Variants in RGS3 observed in about 807,000 individuals in gnomAD.
The protein encoded by RGS3 is regulator of G-protein signalling 3.
RGS3 carries 80 observed loss-of-function variants against 132.6 expected under a neutral mutation model. That is an observed-to-expected ratio of 0.60 (90% CI 0.50 to 0.73). The LOEUF is 0.73. RGS3 is among the 30% of genes least tolerant of loss of function. The pLI, the probability that RGS3 is intolerant of heterozygous loss-of-function variation, is 0.00. For synonymous variants in RGS3, 598 were observed against 620.6 expected, an observed-to-expected ratio of 0.96 and a Z score of 0.54; for missense variants, 1,382 against 1,530.8, an observed-to-expected ratio of 0.90 and a Z score of 1.62.
chr9:113,514,736 T>C, intron 15 of RGS3, 82 bp downstream of exon 13: 2 of 1,386,982 alleles, frequency 1.4e-6, no homozygotes, highest in Non-Finnish European at 2.0e-6. Flanking sequence ...TCAGGGATGA[T>C]GACTTATCCC....
At chr9:113,512,860 C>T (rs1445196795) in intron 14 of RGS3, among the ~76,000 whole-genome samples, 1 of 152,208 alleles carries the variant, frequency 6.6e-6, no homozygotes, top group Non-Finnish European at 1.5e-5. Context: ...TTTTTAGCGA[C>T]TTTGTGTTTT....
chr9:113,546,495 C>G (rs1442456072), intron 19 of RGS3, among the ~76,000 whole-genome samples: 1 of 152,196 alleles, frequency 6.6e-6, no homozygotes, highest in Admixed American at 6.5e-5. Context: ...TTGAATTAGG[C>G]TGTCCAGTTC....
intron 19 of RGS3, among the ~76,000 whole-genome samples, chr9:113,540,272 A>G (rs1832849345): frequency 6.6e-6 from 1 of 152,138 alleles, no homozygotes; most frequent in African/African-American, 2.4e-5. Flanking sequence ...GTGGCCATTC[A>G]GGTTCTAAGC....
upstream of RGS3, among the ~76,000 whole-genome samples, chr9:113,459,869 T>G (rs1173035904): frequency 6.6e-6 from 1 of 151,956 alleles, no homozygotes; most frequent in East Asian, 1.9e-4. Context: ...TGAAACCACC[T>G]TTCTACTAAA....
chr9:113,501,086 A>AC (rs1830866904), intron 10 of RGS3, among the ~76,000 whole-genome samples: 1 of 152,226 alleles, frequency 6.6e-6, no homozygotes, highest in East Asian at 1.9e-4. Context: ...TGTGAGTGCA[A>AC]ACCCCCCCAA....
chr9:113,491,213 T>C (rs1054605393), intron 7 of RGS3, among the ~76,000 whole-genome samples: 15 of 147,588 alleles, frequency 1.0e-4, no homozygotes, highest in African/African-American at 3.7e-4. Flanking sequence ...TATTTATATA[T>C]GTAATTAAAG....
Position 113,479,489 on chromosome 9 carries a change from A to C in RGS3, c.416-2A>C. ...AGGTTGTTTCTGTTGCTGTTTCCTT[A>C]GGTCAGCTGAGGCTGTCCATTGATG... is the stretch of plus-strand genomic sequence containing the variant. On this transcript the variant is annotated splice_acceptor_variant, in intron 3 of 24. Coordinates refer to ENST00000350696, the Ensembl canonical transcript of RGS3. LOFTEE classifies it high-confidence loss of function. The C allele has an allele frequency of 6.2e-7, 1 of 1,614,144 alleles. No homozygotes were observed. The highest frequency in any genetic ancestry group is 8.5e-7 in the Non-Finnish European group (1 of 1,179,988).
At chr9:113,556,396 AAAT>A (rs145756832) in intron 19 of RGS3, among the ~76,000 whole-genome samples, 11 of 151,650 alleles carry the variant, frequency 7.3e-5, no homozygotes, top group Admixed American at 1.3e-4. Flanking sequence ...TTCCTACTAC[AAAT>A]AATAATAATA....
chr9:113,495,888 G>A, intron 8 of RGS3, 42 bp downstream of exon 6: 3 of 1,541,554 alleles, frequency 1.9e-6, no homozygotes, highest in Non-Finnish European at 2.7e-6. Context: ...TCCCAACTGG[G>A]CCGGGGCTGG....
intron 17 of RGS3, among the ~76,000 whole-genome samples, chr9:113,526,769 C>T (rs113880035): frequency 0.025 from 3,768 of 152,286 alleles, 68 homozygotes; most frequent in Admixed American, 0.037. Flanking sequence ...GTATTCCTTG[C>T]GGGAAGCGAG....
At chr9:113,480,677 G>A (rs1217141491) in intron 4 of RGS3, among the ~76,000 whole-genome samples, 1 of 152,168 alleles carries the variant, frequency 6.6e-6, no homozygotes, top group Admixed American at 6.5e-5. Context: ...GGAGGGTGTG[G>A]CTAGCACTTC....
exon 25 of RGS3, chr9:113,597,195 G>T (rs1379762157): frequency 4.5e-6 from 2 of 440,314 alleles, no homozygotes; most frequent in Admixed American, 8.1e-5. Flanking sequence ...ACCCTGGCAG[G>T]TCAGGGGCCC....
chr9:113,457,464 A>AT (rs1322355509), upstream of RGS3, among the ~76,000 whole-genome samples: 1 of 152,112 alleles, frequency 6.6e-6, no homozygotes, highest in African/African-American at 2.4e-5. Context: ...TTTCACTGCT[A>AT]TATGTATCCC....
At chr9:113,549,261 C>T (rs1478613341) in intron 19 of RGS3, among the ~76,000 whole-genome samples, 1 of 152,202 alleles carries the variant, frequency 6.6e-6, no homozygotes, top group Non-Finnish European at 1.5e-5. Context: ...GAGACAAGAA[C>T]GCTGATTTCA....
At chr9:113,489,968 C>T (rs965989155) in intron 7 of RGS3, among the ~76,000 whole-genome samples, 1 of 152,156 alleles carries the variant, frequency 6.6e-6, no homozygotes, top group Non-Finnish European at 1.5e-5. Flanking sequence ...GTTAGAGAAA[C>T]AAGATGATCT....
At chr9:113,464,325 A>G (rs1386122071) in intron 3 of RGS3, among the ~76,000 whole-genome samples, 2 of 152,218 alleles carry the variant, frequency 1.3e-5, no homozygotes, top group Non-Finnish European at 2.9e-5. Flanking sequence ...GGAGGCTGCA[A>G]TTTGACTTTG....
At chr9:113,447,265 GAAA>G (rs60192215) in intron 1 of RGS3, among the ~76,000 whole-genome samples, 1 of 53,406 alleles carries the variant, frequency 1.9e-5, no homozygotes, top group Non-Finnish European at 3.7e-5. Context: ...CTGTCTCAAA[GAAA>G]AAAAAAAAAA....
chr9:113,568,752 T>G (rs1180887359), intron 19 of RGS3, among the ~76,000 whole-genome samples: 2 of 152,244 alleles, frequency 1.3e-5, no homozygotes, highest in Non-Finnish European at 2.9e-5. Flanking sequence ...ACAAGGCTGC[T>G]TATGGCTCAG....
intron 1 of RGS3, among the ~76,000 whole-genome samples, chr9:113,454,370 G>A (rs991878734): frequency 2.0e-5 from 3 of 152,112 alleles, no homozygotes; most frequent in African/African-American, 2.4e-5. Flanking sequence ...CACTTTGGGA[G>A]GCTGAGGTGG....
Sources: allele counts gnomAD v4.1 joint callset (sites outside exome capture counted in the v4.1 genomes callset), GRCh38; gene constraint gnomAD v4.1.1; transcripts MANE v1.5; gene names NCBI Gene and HGNC (gene_info 2026-07-23, HGNC 2026-07-21).